Variants in PTPN9 observed in about 807,000 individuals in gnomAD.
PTPN9 encodes the protein protein tyrosine phosphatase non-receptor type 9.
PTPN9 carries 26 observed loss-of-function variants against 69.8 expected under a neutral mutation model. The ratio of observed to expected loss-of-function variants is 0.37; its 90% CI spans 0.27 to 0.52. PTPN9 has a LOEUF of 0.52. Ranked by LOEUF, PTPN9 falls within the 20% of genes least tolerant of loss-of-function variation. PTPN9 has a pLI of 0.91. For missense variants in PTPN9, 549 were observed against 740.3 expected, an observed-to-expected ratio of 0.74 and a Z score of 3.00; for synonymous variants, 274 against 272.5, an observed-to-expected ratio of 1.01 and a Z score of -0.05.
intron 8 of PTPN9, among the ~76,000 whole-genome samples, chr15:75,489,284 ATGT>A (rs1450034656): frequency 1.3e-5 from 2 of 151,958 alleles, no homozygotes; most frequent in East Asian, 1.9e-4. Context: ...GTAAATAAAG[ATGT>A]TGTACTCTGG....
intron 7 of PTPN9, among the ~76,000 whole-genome samples, chr15:75,494,833 G>A (rs1479883889): frequency 6.6e-6 from 1 of 151,420 alleles, no homozygotes; most frequent in African/African-American, 2.4e-5. Flanking sequence ...AGACCAGCCT[G>A]GCCAACATGG....
intron 1 of PTPN9, among the ~76,000 whole-genome samples, chr15:75,530,639 AC>A (rs60878885): frequency 1.7e-5 from 1 of 59,640 alleles, no homozygotes; most frequent in Admixed American, 2.8e-4. Flanking sequence ...ATTATAATAT[AC>A]TATAATATAT....
At chr15:75,531,142 A>G (rs1344482660) in intron 1 of PTPN9, among the ~76,000 whole-genome samples, 1 of 151,392 alleles carries the variant, frequency 6.6e-6, no homozygotes, top group Non-Finnish European at 1.5e-5. Context: ...CCCAATTTCT[A>G]GGAAAGGACA....
intron 4 of PTPN9, among the ~76,000 whole-genome samples, chr15:75,520,672 G>T (rs1435429320): frequency 6.6e-6 from 1 of 151,832 alleles, no homozygotes; most frequent in African/African-American, 2.4e-5. Context: ...CCACCACCAC[G>T]CCTGGCTAAT....
intron 1 of PTPN9, 120 bp downstream of exon 1, chr15:75,578,594 G>A: frequency 1.2e-6 from 1 of 838,358 alleles, no homozygotes; most frequent in East Asian, 3.8e-5. Flanking sequence ...CCGCGAGCCG[G>A]GCACGGGAGC....
intron 1 of PTPN9, among the ~76,000 whole-genome samples, chr15:75,539,006 T>G (rs1269075179): frequency 6.6e-6 from 1 of 150,656 alleles, no homozygotes; most frequent in Non-Finnish European, 1.5e-5. Flanking sequence ...CCAGTCTCTA[T>G]AAAAAAAATA....
chr15:75,517,239 A>G lies in PTPN9; in HGVS notation c.528+20T>C, dbSNP rs1284527773. ...TCCCAAGCATTGAAGGAAACTTGAG[A>G]GGGCCCTCCATAGCCTTACCTTCAG... On this transcript the variant is annotated intron_variant, in intron 5 of 12. Transcript: ENST00000618819. 3.2e-6 allele frequency: 5 copies of G among 1,553,470 alleles called. No individual in the cohort carries two copies. Among genetic ancestry groups the G allele is most frequent in the Non-Finnish European group, 4.4e-6 (5 of 1,136,578 alleles).
intron 1 of PTPN9, among the ~76,000 whole-genome samples, chr15:75,566,983 A>C (rs2075129096): frequency 6.6e-6 from 1 of 150,602 alleles, no homozygotes; most frequent in South Asian, 2.1e-4. Flanking sequence ...GAAACATATG[A>C]TCATTGTAGA....
intron 1 of PTPN9, among the ~76,000 whole-genome samples, chr15:75,539,448 G>C (rs2074999018): frequency 6.6e-6 from 1 of 151,112 alleles, no homozygotes; most frequent in Non-Finnish European, 1.5e-5. Flanking sequence ...CAAGAAGCTG[G>C]GATTACAGGC....
intron 12 of PTPN9, among the ~76,000 whole-genome samples, chr15:75,469,381 C>A (rs939461844): frequency 4.6e-5 from 7 of 152,256 alleles, no homozygotes; most frequent in Non-Finnish European, 8.8e-5. Flanking sequence ...GAAAGGCCAA[C>A]ATTTCCTACC....
At chr15:75,500,876 G>C (rs1477923079) in intron 7 of PTPN9, among the ~76,000 whole-genome samples, 1 of 151,792 alleles carries the variant, frequency 6.6e-6, no homozygotes, top group Non-Finnish European at 1.5e-5. Flanking sequence ...GACAGAGCAA[G>C]ACCCTGTCTC....
chr15:75,532,690 G>A (rs1438470575), intron 1 of PTPN9, among the ~76,000 whole-genome samples: 1 of 152,194 alleles, frequency 6.6e-6, no homozygotes, highest in Non-Finnish European at 1.5e-5. Flanking sequence ...ACTATAAACA[G>A]TGATGTGATA....
intron 10 of PTPN9, among the ~76,000 whole-genome samples, chr15:75,472,808 C>A (rs2074575156): frequency 6.7e-6 from 1 of 149,938 alleles, no homozygotes; most frequent in Non-Finnish European, 1.5e-5. Flanking sequence ...ATTAGCCAGG[C>A]GTGGTGGCAC....
intron 4 of PTPN9, among the ~76,000 whole-genome samples, chr15:75,518,251 G>A (rs1004322063): frequency 6.6e-6 from 1 of 151,812 alleles, no homozygotes; most frequent in African/African-American, 2.4e-5. Context: ...AGGTGGGAGG[G>A]TCACTTGAGC....
intron 5 of PTPN9, among the ~76,000 whole-genome samples, chr15:75,514,541 T>A (rs2074860158): frequency 6.6e-6 from 1 of 152,180 alleles, no homozygotes; most frequent in Non-Finnish European, 1.5e-5. Context: ...ATCGTGCCAC[T>A]GCACTCAGCC....
intron 1 of PTPN9, among the ~76,000 whole-genome samples, chr15:75,542,019 G>A (rs1381677232): frequency 1.3e-5 from 2 of 150,994 alleles, no homozygotes; most frequent in African/African-American, 2.5e-5. Flanking sequence ...CCTGGTGACA[G>A]AGCAAGATGC....
intron 7 of PTPN9, among the ~76,000 whole-genome samples, chr15:75,505,009 G>A (rs2074810126): frequency 1.3e-5 from 2 of 152,206 alleles, no homozygotes; most frequent in African/African-American, 2.4e-5. Context: ...GCGGTTTTGT[G>A]GAATAGAAAG....
intron 5 of PTPN9, among the ~76,000 whole-genome samples, chr15:75,514,454 C>T (rs2141315694): frequency 6.6e-6 from 1 of 152,218 alleles, no homozygotes; most frequent in East Asian, 1.9e-4. Context: ...TGGCACATGC[C>T]TGTAATTCTA....
chr15:75,503,565 CG>C (rs1292667316), intron 7 of PTPN9, among the ~76,000 whole-genome samples: 17 of 111,634 alleles, frequency 1.5e-4, no homozygotes, highest in African/African-American at 5.4e-4. Flanking sequence ...GCCCCCCGCC[CG>C]GCCAGCCGCT....
Sources: gnomAD v4.1 joint callset for allele counts (sites outside exome capture counted in the v4.1 genomes callset) on GRCh38, gnomAD v4.1.1 for gene constraint, MANE v1.5 for transcripts, NCBI Gene and HGNC (gene_info 2026-07-23, HGNC 2026-07-21) for gene names.